ROBO1: variants seen among roughly 807,000 people sequenced by gnomAD.
ROBO1 encodes roundabout homolog 1.
Under a neutral mutation model 195.9 loss-of-function variants are expected in ROBO1, and 149 were observed. The ratio of observed to expected loss-of-function variants is 0.76; its 90% CI spans 0.67 to 0.87. The LOEUF (loss-of-function observed/expected upper bound fraction) is 0.87. ROBO1 is among the 40% of genes least tolerant of loss of function. ROBO1 has a pLI of 0.00. For missense variants in ROBO1, 1,933 were observed against 2,068.3 expected (o/e 0.93, Z 1.27); for synonymous variants, 816 against 733.2 (o/e 1.11, Z -1.82).
At chr3:79,219,840 T>G (rs371099171) in intron 2 of ROBO1, among the ~76,000 whole-genome samples, 16 of 152,192 alleles carry the variant, frequency 1.1e-4, no homozygotes, top group African/African-American at 3.6e-4. Context: ...CAATGTTTCC[T>G]TACAGCAGTG....
chr3:78,905,240 T>C (rs950104888), intron 4 of ROBO1, among the ~76,000 whole-genome samples: 3 of 152,134 alleles, frequency 2.0e-5, no homozygotes, highest in African/African-American at 7.2e-5. Flanking sequence ...GCTTTCACAG[T>C]GTACTTCTAA....
In ROBO1 at chr3:78,659,812, T is replaced by TA. The variant is rs773411366; in HGVS notation, c.2321-6dup. 4.4e-6 allele frequency: 7 copies of TA among 1,597,632 alleles called. No homozygotes were observed. The South Asian group carries it at 8.0e-5, about 18-fold the overall frequency. ...CTTGGGGTGGGGCACTGGGTGCTATTAAATTGTTTTAAAAGGTAGGTTATT... is the reference window on the plus strand; with the variant it reads ...CTTGGGGTGGGGCACTGGGTGCTATTAAAATTGTTTTAAAAGGTAGGTTATT... On this transcript the variant is annotated splice_region_variant and splice_polypyrimidine_tract_variant and intron_variant, in intron 16 of 30. Transcript: ENST00000464233.
At chr3:78,605,160 T>C (rs1031722899) in intron 29 of ROBO1, among the ~76,000 whole-genome samples, 1 of 152,220 alleles carries the variant, frequency 6.6e-6, no homozygotes, top group African/African-American at 2.4e-5. Context: ...ACATTCAACT[T>C]TCACCACTGT....
chr3:78,692,317 T>A (rs530726543), intron 8 of ROBO1, among the ~76,000 whole-genome samples: 1 of 152,166 alleles, frequency 6.6e-6, no homozygotes. Context: ...TTGCCCAGGC[T>A]GGAGTGCAGT....
intron 2 of ROBO1, among the ~76,000 whole-genome samples, chr3:79,153,482 T>A (rs2080807596): frequency 6.6e-6 from 1 of 151,698 alleles, no homozygotes; most frequent in Admixed American, 6.6e-5. Context: ...CAGATAATAA[T>A]CAGCAAAGCT....
At chr3:79,129,756 G>C (rs2080290675) in intron 2 of ROBO1, among the ~76,000 whole-genome samples, 1 of 152,102 alleles carries the variant, frequency 6.6e-6, no homozygotes, top group Admixed American at 6.6e-5. Context: ...CTTGTAGTGA[G>C]AACACTTAAA....
chr3:79,560,227 T>C (rs1942860530), intron 2 of ROBO1, among the ~76,000 whole-genome samples: 1 of 151,762 alleles, frequency 6.6e-6, no homozygotes, highest in South Asian at 2.1e-4. Flanking sequence ...GTTCATGTCC[T>C]TTGTAGGGAC....
chr3:78,778,693 A>G (rs906331593), intron 4 of ROBO1, among the ~76,000 whole-genome samples: 3 of 152,196 alleles, frequency 2.0e-5, no homozygotes, highest in East Asian at 1.9e-4. Context: ...CATAATGCCT[A>G]AAGTAATTTA....
At chr3:79,491,357 T>G (rs1005623123) in intron 2 of ROBO1, among the ~76,000 whole-genome samples, 2 of 152,156 alleles carry the variant, frequency 1.3e-5, no homozygotes, top group African/African-American at 4.8e-5. Context: ...TGGGTTCTCT[T>G]GAGCTCAGCT....
chr3:79,590,335 A>C (rs1943959454), intron 1 of ROBO1, among the ~76,000 whole-genome samples: 1 of 151,904 alleles, frequency 6.6e-6, no homozygotes, highest in Admixed American at 6.6e-5. Context: ...AAATATTTAC[A>C]AACAATTTAT....
At chr3:78,986,781 G>GAA (rs1559561034) in intron 3 of ROBO1, among the ~76,000 whole-genome samples, 11 of 152,038 alleles carry the variant, frequency 7.2e-5, no homozygotes, top group Non-Finnish European at 1.6e-4. Context: ...GGGGTTGACG[G>GAA]GGGAAAAAAG....
intron 2 of ROBO1, among the ~76,000 whole-genome samples, chr3:79,514,296 C>T (rs775780106): frequency 2.6e-5 from 4 of 152,130 alleles, no homozygotes; most frequent in Non-Finnish European, 4.4e-5. Context: ...TAGAGATCCA[C>T]GTGGTGTGCG....
chr3:79,239,087 T>C (rs928472825), intron 2 of ROBO1, among the ~76,000 whole-genome samples: 3 of 152,164 alleles, frequency 2.0e-5, no homozygotes, highest in African/African-American at 7.2e-5. Flanking sequence ...ACTCTCTCCT[T>C]AGTACTATAC....
chr3:78,687,659 C>G (rs149443279), intron 9 of ROBO1, among the ~76,000 whole-genome samples: 82 of 152,304 alleles, frequency 5.4e-4, no homozygotes, highest in African/African-American at 1.9e-3. Context: ...GGTTCTCACT[C>G]TTTCACCCAG....
At chr3:79,135,881 C>T (rs1363398059) in intron 2 of ROBO1, among the ~76,000 whole-genome samples, 1 of 152,206 alleles carries the variant, frequency 6.6e-6, no homozygotes, top group African/African-American at 2.4e-5. Flanking sequence ...AGGTGATCCA[C>T]CCGCCTTGGC....
chr3:78,755,453 A>G (rs551763446), intron 4 of ROBO1, among the ~76,000 whole-genome samples: 1 of 152,154 alleles, frequency 6.6e-6, no homozygotes, highest in South Asian at 2.1e-4. Flanking sequence ...CAGCCTGAGC[A>G]ACAGAGCCAG....
At chr3:78,816,156 G>T (rs7638321) in intron 4 of ROBO1, among the ~76,000 whole-genome samples, 89,663 of 151,878 alleles carry the variant, frequency 0.59, 27,543 homozygotes, top group South Asian at 0.76. Context: ...TTAAGTTGAA[G>T]CCAATGTTCA....
intron 3 of ROBO1, among the ~76,000 whole-genome samples, chr3:79,017,246 G>GT (rs571017364): frequency 4.6e-5 from 7 of 152,126 alleles, no homozygotes; most frequent in African/African-American, 1.4e-4. Flanking sequence ...GACGTATGTG[G>GT]TTTTTTTCCC....
chr3:79,237,685 G>T (rs1413798110), intron 2 of ROBO1, among the ~76,000 whole-genome samples: 1 of 151,888 alleles, frequency 6.6e-6, no homozygotes, highest in African/African-American at 2.4e-5. Context: ...CGTAATTTTT[G>T]TCAAATGTTA....
Sources: gnomAD v4.1 joint callset for allele counts (sites outside exome capture counted in the v4.1 genomes callset) on GRCh38, gnomAD v4.1.1 for gene constraint, MANE v1.5 for transcripts, NCBI Gene and HGNC (gene_info 2026-07-23, HGNC 2026-07-21) for gene names.